RALGAPA1: variants seen among roughly 807,000 people sequenced by gnomAD.
The protein encoded by RALGAPA1 is ral GTPase-activating protein subunit alpha-1.
RALGAPA1 carries 52 observed loss-of-function variants against 269.6 expected under a neutral mutation model. The ratio of observed to expected loss-of-function variants is 0.19; its 90% CI spans 0.15 to 0.24. The LOEUF (loss-of-function observed/expected upper bound fraction) is 0.24. Among genes scored for constraint, RALGAPA1 ranks in the 10% least tolerant of loss-of-function variants. RALGAPA1 has a pLI of 1.00. For missense variants in RALGAPA1, 1,917 were observed against 3,013.9 expected (o/e 0.64, Z 8.52); for synonymous variants, 817 against 1,008.3 (o/e 0.81, Z 3.60).
intron 1 of RALGAPA1, among the ~76,000 whole-genome samples, chr14:35,782,389 C>T (rs907584059): frequency 6.6e-6 from 1 of 152,130 alleles, no homozygotes; most frequent in Non-Finnish European, 1.5e-5. Context: ...CAACAGCCCC[C>T]AAATATACCT....
chr14:35,778,470 C>A (rs1271896312), intron 1 of RALGAPA1, among the ~76,000 whole-genome samples: 2 of 152,228 alleles, frequency 1.3e-5, no homozygotes, highest in East Asian at 3.9e-4. Flanking sequence ...GTACATTTCT[C>A]TTTTATGGAA....
At chr14:35,637,585 A>G (rs1594918566) in intron 31 of RALGAPA1, among the ~76,000 whole-genome samples, 1 of 152,192 alleles carries the variant, frequency 6.6e-6, no homozygotes, top group East Asian at 1.9e-4. Context: ...ACTAGAAAAG[A>G]GCATCAAAAG....
At chr14:35,746,223 CAG>C (rs2072083012) in intron 10 of RALGAPA1, among the ~76,000 whole-genome samples, 1 of 152,066 alleles carries the variant, frequency 6.6e-6, no homozygotes, top group African/African-American at 2.4e-5. Flanking sequence ...CTTATAAAAA[CAG>C]AGTAGAATGG....
chr14:35,748,405 G>A (rs76619767), intron 10 of RALGAPA1, 180 bp downstream of exon 10: 101,833 of 406,658 alleles, frequency 0.25, 15,163 homozygotes, highest in Admixed American at 0.35. Context: ...TAAGAGATGC[G>A]GTCTCTCCAT....
chr14:35,629,273 T>C (rs2061176848), intron 33 of RALGAPA1, among the ~76,000 whole-genome samples: 1 of 116,116 alleles, frequency 8.6e-6, no homozygotes, highest in Non-Finnish European at 1.9e-5. Context: ...CATGTTAGGA[T>C]GTTTAGGGGG....
intron 30 of RALGAPA1, 102 bp downstream of exon 30, chr14:35,654,265 A>T (rs2063031735): frequency 4.1e-6 from 5 of 1,210,912 alleles, no homozygotes; most frequent in Non-Finnish European, 4.4e-6. Flanking sequence ...TTATTTAGCT[A>T]TGCAAAAAAA....
intron 17 of RALGAPA1, among the ~76,000 whole-genome samples, chr14:35,693,068 A>G (rs765010522): frequency 2.9e-4 from 44 of 152,124 alleles, no homozygotes; most frequent in Non-Finnish European, 4.1e-4. Flanking sequence ...GGTGTCAAGT[A>G]AGGCAGAAAT....
At chr14:35,607,494 G>T (rs149484989) in intron 35 of RALGAPA1, among the ~76,000 whole-genome samples, 1 of 152,184 alleles carries the variant, frequency 6.6e-6, no homozygotes, top group African/African-American at 2.4e-5. Flanking sequence ...GGAACAAAAC[G>T]TTGAGAGTCT....
intron 39 of RALGAPA1, among the ~76,000 whole-genome samples, chr14:35,567,187 T>G (rs1406756522): frequency 1.3e-5 from 2 of 152,046 alleles, no homozygotes; most frequent in African/African-American, 4.8e-5. Context: ...ACTATTTTCA[T>G]CAATTTTCTC....
At chr14:35,736,829 G>A (rs1595372416) in intron 12 of RALGAPA1, among the ~76,000 whole-genome samples, 1 of 151,850 alleles carries the variant, frequency 6.6e-6, no homozygotes, top group Admixed American at 6.6e-5. Context: ...TGAGGTCAGG[G>A]GTTTAAGACC....
chr14:35,561,506 G>GTTTTT (rs750062810), intron 39 of RALGAPA1, among the ~76,000 whole-genome samples: 6 of 72,898 alleles, frequency 8.2e-5, no homozygotes, highest in Non-Finnish European at 1.3e-4. Context: ...TAATATAGGA[G>GTTTTT]TTTTTTTTTT....
At chr14:35,682,119 C>T (rs1218460129) in intron 21 of RALGAPA1, among the ~76,000 whole-genome samples, 1 of 152,176 alleles carries the variant, frequency 6.6e-6, no homozygotes, top group East Asian at 1.9e-4. Context: ...CTGCCATGAT[C>T]TTTTGCGTAC....
intron 31 of RALGAPA1, among the ~76,000 whole-genome samples, chr14:35,648,619 T>C (rs751974126): frequency 7.3e-5 from 11 of 150,082 alleles, no homozygotes; most frequent in Non-Finnish European, 1.5e-4. Context: ...CTAGGCAACA[T>C]AGCAAAACCC....
rs770210826 is a variant in RALGAPA1, at chr14:35,752,137, T to C, written c.689A>G (p.Lys230Arg). The change falls in exon 8 of 42, where the codon AAA (lysine) becomes AGA (arginine). Residue 230 changes from lysine (K) to arginine (R), a missense_variant. Around this residue, in one of 11 missense-constraint regions of RALGAPA1, gnomAD observed 462 missense variants for 725.6 expected, o/e 0.64. Transcript: ENST00000680220. ...TGAAAATCCCCTTTCTTGGTTTTCT[T>C]TGTTCTTCCATTCTAAACTTTTTAC... is the stretch of plus-strand genomic sequence containing the variant. Reference protein sequence around the residue: ...IQVKSLEWKNKENQERGFSFL... With the variant: ...IQVKSLEWKNRENQERGFSFL... The C allele has an allele frequency of 7.4e-5, 117 of 1,575,850 alleles. No homozygotes were observed. The highest frequency in any genetic ancestry group is 8.8e-5 in the Non-Finnish European group (103 of 1,165,512).
intron 37 of RALGAPA1, among the ~76,000 whole-genome samples, chr14:35,575,916 A>T (rs919776616): frequency 1.3e-5 from 2 of 152,160 alleles, no homozygotes; most frequent in Non-Finnish European, 2.9e-5. Context: ...TTAAAGAGCT[A>T]CAATCATTAG....
intron 4 of RALGAPA1, among the ~76,000 whole-genome samples, chr14:35,768,211 T>C (rs1003509991): frequency 2.6e-5 from 4 of 152,174 alleles, no homozygotes; most frequent in Admixed American, 6.5e-5. Context: ...TAGCAGGGAC[T>C]ACAGGCACAT....
intron 16 of RALGAPA1, among the ~76,000 whole-genome samples, chr14:35,717,010 C>T (rs2068889844): frequency 6.6e-6 from 1 of 152,160 alleles, no homozygotes; most frequent in Non-Finnish European, 1.5e-5. Context: ...TTTTTGATAT[C>T]TACTAATGAT....
intron 16 of RALGAPA1, among the ~76,000 whole-genome samples, chr14:35,711,841 T>G (rs1021830812): frequency 6.6e-6 from 1 of 152,140 alleles, no homozygotes; most frequent in African/African-American, 2.4e-5. Flanking sequence ...GATTCCCAAT[T>G]CCTCCTTCTC....
chr14:35,577,630 T>C (rs1365308166), intron 37 of RALGAPA1, among the ~76,000 whole-genome samples: 4 of 152,236 alleles, frequency 2.6e-5, no homozygotes, highest in African/African-American at 9.6e-5. Context: ...ATTCATCTTA[T>C]GGCAATGCAC....
Sources: gnomAD v4.1 joint callset for allele counts (sites outside exome capture counted in the v4.1 genomes callset) on GRCh38, gnomAD v4.1.1 for gene constraint, gnomAD v4.1.1 regional missense constraint, MANE v1.5 for transcripts, NCBI Gene and HGNC (gene_info 2026-07-23, HGNC 2026-07-21) for gene names.